The following TRERF1 variants were observed in gnomAD, a reference collection of about 807,000 sequenced individuals.
TRERF1 encodes transcriptional regulating factor 1, also known as transcriptional-regulating factor 1.
In TRERF1, 27 loss-of-function variants were observed where a neutral mutation model predicts 122.9. That is an observed-to-expected ratio of 0.22 (90% CI 0.16 to 0.30). The LOEUF is 0.30. TRERF1 is among the 10% of genes least tolerant of loss of function. The pLI is 1.00. For synonymous variants in TRERF1, 636 were observed against 641.7 expected, an observed-to-expected ratio of 0.99 and a Z score of 0.13; for missense variants, 1,248 against 1,560.3, an observed-to-expected ratio of 0.80 and a Z score of 3.37.
chr6:42,400,885 C>T (rs544231439), intron 2 of TRERF1, among the ~76,000 whole-genome samples: 12 of 152,372 alleles, frequency 7.9e-5, no homozygotes, highest in African/African-American at 2.2e-4. Context: ...ATGTTCTTGA[C>T]AGGTCTTGCT....
chr6:42,274,622 T>G (rs1780841012), intron 4 of TRERF1, among the ~76,000 whole-genome samples: 1 of 151,876 alleles, frequency 6.6e-6, no homozygotes, highest in African/African-American at 2.4e-5. Flanking sequence ...AAGGTTGCAG[T>G]GAGCCGAGAT....
intron 2 of TRERF1, among the ~76,000 whole-genome samples, chr6:42,439,498 C>A (rs1448424241): frequency 6.6e-6 from 1 of 152,140 alleles, no homozygotes; most frequent in Non-Finnish European, 1.5e-5. Context: ...GCAGGAGAAT[C>A]ACTTTAACCT....
chr6:42,421,666 C>T (rs745655876), intron 2 of TRERF1, among the ~76,000 whole-genome samples: 30 of 151,540 alleles, frequency 2.0e-4, no homozygotes, highest in South Asian at 4.2e-4. Flanking sequence ...CCCGGCTAAT[C>T]GGGAGGCTGA....
downstream of TRERF1, chr6:42,225,142 T>G (rs1182557085): frequency 7.7e-6 from 1 of 130,396 alleles, no homozygotes; most frequent in South Asian, 2.2e-4. Context: ...TTGTGATAAT[T>G]AAGAAAAAAA....
intron 3 of TRERF1, among the ~76,000 whole-genome samples, chr6:42,350,581 A>G (rs1769226200): frequency 6.6e-6 from 1 of 152,124 alleles, no homozygotes. Flanking sequence ...CAGTGCCCCA[A>G]ATCCTTCCTG....
chr6:42,359,174 G>A (rs568583858), intron 3 of TRERF1, among the ~76,000 whole-genome samples: 1 of 152,288 alleles, frequency 6.6e-6, no homozygotes, highest in Admixed American at 6.5e-5. Context: ...CCCAAATCAA[G>A]ATGCTTGACC....
chr6:42,303,819 C>A (rs1002396879), intron 3 of TRERF1, among the ~76,000 whole-genome samples: 6 of 141,834 alleles, frequency 4.2e-5, no homozygotes, highest in Non-Finnish European at 1.5e-5. Flanking sequence ...GAGAGGATCA[C>A]TTGAATCTGG....
exon 2 of TRERF1, chr6:42,451,181 G>C (rs1012727395): frequency 2.6e-5 from 4 of 152,154 alleles, no homozygotes; most frequent in Admixed American, 6.6e-5. Flanking sequence ...GCCTACCTTG[G>C]CTGTTTCTGC....
At chr6:42,450,869 T>C (rs1415319961) in intron 2 of TRERF1, among the ~76,000 whole-genome samples, 2 of 152,194 alleles carry the variant, frequency 1.3e-5, no homozygotes, top group African/African-American at 2.4e-5. Flanking sequence ...TGCGGTTTCT[T>C]AGCTGGAGAA....
intron 2 of TRERF1, among the ~76,000 whole-genome samples, chr6:42,391,351 T>C (rs1777701478): frequency 6.6e-6 from 1 of 152,210 alleles, no homozygotes; most frequent in Non-Finnish European, 1.5e-5. Context: ...CCTCATAATC[T>C]ACTCTGGCTC....
At position 42,259,588 on chromosome 6, in the gene TRERF1, C is replaced by G; in HGVS notation, c.2020G>C (p.Ala674Pro). ...AGGGTGGCGCCCGAGTAGGAGGCAG[C>G]GGGGTTCGGGTTGTAGGAGGGCGGC... is the stretch of plus-strand genomic sequence containing the variant. The change falls in exon 9 of 18, where the codon GCT becomes CCT. Residue 674 changes from alanine (A) to proline (P), a missense_variant. By Grantham distance (27) the Ala-to-Pro change is conservative (BLOSUM62 -1). This residue lies in a region of TRERF1 where 946 missense variants were observed against 1,073.0 expected (regional missense o/e 0.88). Transcript: ENST00000372922. The surrounding 1 kb of genome is among the most constrained non-coding windows in gnomAD (Gnocchi z 4.9). The G allele has an allele frequency of 6.2e-7, 1 of 1,613,770 alleles. No individual in the cohort carries two copies. The highest frequency in any genetic ancestry group is 8.5e-7 in the Non-Finnish European group (1 of 1,179,892).
rs1386954379 is a variant in TRERF1 at position 42,276,715 on chromosome 6, T to G, written c.-258-6867A>C. On this transcript the variant is annotated intron_variant, in intron 4 of 17. Coordinates refer to ENST00000372922, the Ensembl canonical transcript of TRERF1. The surrounding 1 kb of genome is among the most constrained non-coding windows in gnomAD (Gnocchi z 4.3). ...AATGACAGTGGTTAGCATCTAAATC[T>G]TCCTCCCTGCAGTGAGTGGTTTGCT... 6.6e-6 allele frequency among the ~76,000 whole-genome samples: 1 copy of G among 152,238 alleles called. No individual in the cohort carries two copies. The highest frequency in any genetic ancestry group is 1.5e-5 in the Non-Finnish European group (1 of 68,048).
At chr6:42,270,768 CTTTTTTTTTTT>C (rs1175342905) in intron 4 of TRERF1, among the ~76,000 whole-genome samples, 2 of 119,612 alleles carry the variant, frequency 1.7e-5, no homozygotes, top group Non-Finnish European at 3.6e-5. Context: ...GACCTCATCT[CTTTTTTTTTTT>C]TTTTTTTTTT....
chr6:42,264,755 A>G (rs771731374), exon 7 of TRERF1: 1 of 1,614,246 alleles, frequency 6.2e-7, no homozygotes, highest in South Asian at 1.1e-5. Context: ...GCATGTGGCC[A>G]TTCAGGGCAG....
At chr6:42,434,949 G>A (rs970868896) in intron 2 of TRERF1, among the ~76,000 whole-genome samples, 4 of 152,182 alleles carry the variant, frequency 2.6e-5, no homozygotes, top group Admixed American at 6.5e-5. Context: ...CCAACATGGT[G>A]AAACCCCGTC....
intron 13 of TRERF1, among the ~76,000 whole-genome samples, chr6:42,249,695 A>G (rs933661834): frequency 1.3e-5 from 2 of 152,116 alleles, no homozygotes; most frequent in African/African-American, 2.4e-5. Flanking sequence ...ATTCCAAGGG[A>G]TACAGGGCTG....
At chr6:42,353,281 A>G (rs1769830940) in intron 3 of TRERF1, among the ~76,000 whole-genome samples, 1 of 152,132 alleles carries the variant, frequency 6.6e-6, no homozygotes, top group African/African-American at 2.4e-5. Context: ...TTGAATAGGA[A>G]GATGGAAAAA....
intron 5 of TRERF1, among the ~76,000 whole-genome samples, 182 bp downstream of exon 5, chr6:42,267,972 A>C (rs1037505999): frequency 2.6e-5 from 4 of 152,208 alleles, no homozygotes; most frequent in African/African-American, 9.6e-5. Flanking sequence ...GACTTAATAG[A>C]GATTGATTTT....
At chr6:42,412,063 C>T (rs536917144) in intron 2 of TRERF1, among the ~76,000 whole-genome samples, 4 of 138,116 alleles carry the variant, frequency 2.9e-5, no homozygotes, top group South Asian at 2.3e-4. Context: ...TGCAATGGTG[C>T]GATCTCGGCT....
Sources: allele counts gnomAD v4.1 joint callset (sites outside exome capture counted in the v4.1 genomes callset), GRCh38; gene constraint gnomAD v4.1.1; regional missense constraint gnomAD v4.1.1; non-coding constraint Gnocchi (gnomAD v3.1); transcripts MANE v1.5; gene names NCBI Gene and HGNC (gene_info 2026-07-23, HGNC 2026-07-21).